Variants in STK3 observed in about 807,000 individuals in gnomAD.
STK3 encodes the protein serine/threonine kinase 3.
STK3 carries 41 observed loss-of-function variants against 58.0 expected under a neutral mutation model. That is an observed-to-expected ratio of 0.71 (90% CI 0.55 to 0.92). The LOEUF is 0.92. Among genes scored for constraint, STK3 ranks in the 40% least tolerant of loss-of-function variants. The pLI is 0.00. For synonymous variants in STK3, 170 were observed against 191.0 expected (o/e 0.89, Z 0.91); for missense variants, 479 against 602.7 (o/e 0.79, Z 2.15).
At chr8:98,432,349 C>T (rs1174145243) in intron 3 of STK3, 3 of 167,060 alleles carry the variant, frequency 1.8e-5, no homozygotes, top group Admixed American at 6.5e-5. Flanking sequence ...TTTTCAATGC[C>T]AGTGGGCCAA....
At chr8:98,669,338 G>C (rs1439003624) in intron 6 of STK3, among the ~76,000 whole-genome samples, 1 of 152,038 alleles carries the variant, frequency 6.6e-6, no homozygotes, top group African/African-American at 2.4e-5. Flanking sequence ...TCTAAAAAAA[G>C]ACTTGGATTT....
At chr8:98,402,797 G>C (rs778037959) in intron 3 of STK3, among the ~76,000 whole-genome samples, 3 of 152,170 alleles carry the variant, frequency 2.0e-5, no homozygotes, top group Admixed American at 6.5e-5. Context: ...CTGGGGAGGA[G>C]CCTGCAGTAT....
At chr8:98,750,127 A>C (rs749629697) in intron 3 of STK3, among the ~76,000 whole-genome samples, 1 of 152,190 alleles carries the variant, frequency 6.6e-6, no homozygotes, top group Non-Finnish European at 1.5e-5. Context: ...CAGAAACTAA[A>C]TAGGACACAA....
chr8:98,490,095 G>A (rs1156514101), intron 10 of STK3, among the ~76,000 whole-genome samples: 1 of 152,100 alleles, frequency 6.6e-6, no homozygotes, highest in African/African-American at 2.4e-5. Context: ...GTTAGTCGTA[G>A]AGTTTACTTG....
At chr8:98,872,798 A>G (rs1837427155) in intron 3 of STK3, among the ~76,000 whole-genome samples, 1 of 151,976 alleles carries the variant, frequency 6.6e-6, no homozygotes, top group African/African-American at 2.4e-5. Context: ...CAGCTCCTGG[A>G]TTCATTGATT....
At chr8:98,387,084 G>A (rs533049000) in intron 1 of STK3, among the ~76,000 whole-genome samples, 2 of 152,180 alleles carry the variant, frequency 1.3e-5, no homozygotes, top group South Asian at 4.2e-4. Context: ...TATCAATTTG[G>A]TGACTTACTT....
At chr8:98,391,340 G>A (rs1817847285), upstream of STK3, 1 of 152,198 alleles carries the variant, frequency 6.6e-6, no homozygotes, top group Non-Finnish European at 1.5e-5. Context: ...GTTTAGTCTG[G>A]GACCTGGGCA....
chr8:98,889,308 A>C (rs1564084334), intron 1 of STK3, among the ~76,000 whole-genome samples: 1 of 152,182 alleles, frequency 6.6e-6, no homozygotes, highest in African/African-American at 2.4e-5. Context: ...CGACAGCAGA[A>C]ATGGCTCTCT....
intron 6 of STK3, among the ~76,000 whole-genome samples, chr8:98,693,459 G>A (rs1167459112): frequency 1.3e-5 from 2 of 152,178 alleles, no homozygotes; most frequent in Admixed American, 1.3e-4. Flanking sequence ...GATGTAGGCA[G>A]AGATTAGAGT....
At chr8:98,809,563 G>C (rs1213871827) in intron 1 of STK3, among the ~76,000 whole-genome samples, 1 of 152,104 alleles carries the variant, frequency 6.6e-6, no homozygotes, top group African/African-American at 2.4e-5. Context: ...CTATGACTTT[G>C]ACTATTCTAG....
At chr8:98,437,386 G>A (rs1384286755) in intron 1 of STK3, 2 of 152,406 alleles carry the variant, frequency 1.3e-5, no homozygotes, top group Admixed American at 6.5e-5. Context: ...CCGAGCCTGT[G>A]CCCTAGACTA....
At chr8:98,847,586 T>C (rs1174748188) in intron 3 of STK3, among the ~76,000 whole-genome samples, 1 of 152,074 alleles carries the variant, frequency 6.6e-6, no homozygotes, top group African/African-American at 2.4e-5. Context: ...ATCCCAGTGG[T>C]TGTCTTTAGT....
chr8:98,438,781 A>G (rs573924085), intron 1 of STK3: 2 of 152,650 alleles, frequency 1.3e-5, no homozygotes, highest in East Asian at 3.9e-4. Flanking sequence ...CTGTGTGGCC[A>G]TATGGATGTC....
chr8:98,493,412 G>C (rs1047399253), intron 10 of STK3, among the ~76,000 whole-genome samples: 1 of 152,034 alleles, frequency 6.6e-6, no homozygotes, highest in Non-Finnish European at 1.5e-5. Context: ...AAGCAGTCTG[G>C]CTTTAGGCGT....
intron 1 of STK3, chr8:98,904,858 TAGC>T: frequency 8.9e-6 from 6 of 674,466 alleles, no homozygotes; most frequent in South Asian, 8.1e-5. Context: ...TCTTAGGGAT[TAGC>T]AGAAGTAGAG....
rs188634399 is a variant in STK3 at position 98,899,509 on chromosome 8, T to C, written c.-78-15675A>G. ...ATAACAATGATTTATATAGCATTTA[T>C]AGTGTATTGGGTATTACAAGTAATC... On this transcript the variant is annotated intron_variant, in intron 1 of 1. Transcript: ENST00000519420. 2.0e-3 allele frequency among the ~76,000 whole-genome samples: 299 copies of C among 152,332 alleles called. 3 individuals carry two copies. Among genetic ancestry groups the C allele is most frequent in the African/African-American group, 6.9e-3 (286 of 41,570 alleles).
Position 98,625,916 on chromosome 8 carries a change from T to C in STK3, c.685-29747A>G, listed in dbSNP as rs929426443. ...GGATGCTGAAGTGGGGGGCTTATGA[T>C]AGCAAACATGAGGAAGCAATCTACC... is the stretch of plus-strand genomic sequence containing the variant. On this transcript the variant is annotated intron_variant, in intron 6 of 10. Coordinates refer to ENST00000419617, the MANE Select transcript of STK3 (RefSeq NM_006281.4). Among the ~76,000 whole-genome samples, 14 of 152,138 alleles carry C rather than the reference T, an allele frequency of 9.2e-5. 1 individual carries two copies. Among genetic ancestry groups the C allele is most frequent in the Non-Finnish European group, 1.8e-4 (12 of 68,008 alleles).
At chr8:98,414,338 G>T (rs1007607522) in intron 3 of STK3, among the ~76,000 whole-genome samples, 1 of 152,122 alleles carries the variant, frequency 6.6e-6, no homozygotes, top group Non-Finnish European at 1.5e-5. Flanking sequence ...TTCCTCTCAG[G>T]CTTTCCCATG....
chr8:98,495,123 T>C (rs996715389), intron 10 of STK3, among the ~76,000 whole-genome samples: 2 of 152,186 alleles, frequency 1.3e-5, no homozygotes, highest in African/African-American at 4.8e-5. Flanking sequence ...AAATTAGGGA[T>C]ATTTTGCCCG....
Sources: allele counts gnomAD v4.1 joint callset (sites outside exome capture counted in the v4.1 genomes callset), GRCh38; gene constraint gnomAD v4.1.1; transcripts MANE v1.5; gene names NCBI Gene and HGNC (gene_info 2026-07-23, HGNC 2026-07-21).